The following SPRYD4 variants were observed in gnomAD, a reference collection of about 807,000 sequenced individuals.
SPRYD4 encodes the protein SPRY domain-containing protein 4.
In SPRYD4, 12 loss-of-function variants were observed where a neutral mutation model predicts 16.6. The ratio of observed to expected loss-of-function variants is 0.72; its 90% CI spans 0.46 to 1.17. SPRYD4 has a LOEUF of 1.17. Ranked by LOEUF, SPRYD4 falls within the 50% of genes most tolerant of loss-of-function variation. The probability of loss-of-function intolerance (pLI) is 0.00; values close to 1 mark genes in which losing one functional copy is unlikely to be tolerated. For missense variants in SPRYD4, 260 were observed against 260.2 expected (o/e 1.00, Z 0.00); for synonymous variants, 98 against 105.4 (o/e 0.93, Z 0.43).
chr12:56,479,701 C>A lies in SPRYD4; in HGVS notation c.*10124C>A, dbSNP rs1299726192. The A allele has an allele frequency of 5.5e-6, 8 of 1,463,522 alleles. No homozygotes were observed. Among genetic ancestry groups the A allele is most frequent in the Non-Finnish European group, 7.3e-6 (8 of 1,099,678 alleles). The allele number at this position is 1,463,522 out of a possible 1,614,324, so 90.7% of individuals were successfully genotyped here. A position where few individuals can be genotyped will look rare whatever the true frequency, so the allele number is the denominator to read the frequency against. On this transcript the variant is annotated 3_prime_UTR_variant, in exon 2 of 2. Transcript: ENST00000338146. ...ATGAGGAATTGAACTATACAATTCCCAAATTCCTCCCTGCTCTGAGAGTCT... is the reference window on the plus strand; with the variant it reads ...ATGAGGAATTGAACTATACAATTCCAAAATTCCTCCCTGCTCTGAGAGTCT...
Position 56,478,539 on chromosome 12 carries a change from TCA to T in SPRYD4, c.*8963_*8964del, listed in dbSNP as rs1870025312. On this transcript the variant is annotated 3_prime_UTR_variant, in exon 2 of 2. Coordinates refer to ENST00000338146, the MANE Select transcript of SPRYD4 (RefSeq NM_207344.4). ...AACCTTCCCCTTTTGGTTCTTAGGC[TCA>T]GTTACCCTATAAATCCCTTTGAAGG... 2 of 442,106 alleles carry T rather than the reference TCA, an allele frequency of 4.5e-6. No individual in the cohort carries two copies. Among genetic ancestry groups the T allele is most frequent in the Admixed American group, 3.7e-5 (1 of 27,312 alleles). 27.4% of individuals were successfully genotyped at this position (442,106 alleles called of 1,614,324 possible). A position where few individuals can be genotyped will look rare whatever the true frequency, so the allele number is the denominator to read the frequency against.
chr12:56,474,806 G>C lies in SPRYD4; in HGVS notation c.*5229G>C, dbSNP rs372835857. 8 of 1,613,180 alleles carry C rather than the reference G, an allele frequency of 5.0e-6. No individual in the cohort carries two copies. The African/African-American group carries it at 9.4e-5, about 19-fold the overall frequency. On this transcript the variant is annotated 3_prime_UTR_variant, in exon 2 of 2. Transcript: ENST00000338146. ...TAGGGAAAGGGCAAGGGCAAGGACA[G>C]TCTGTCCTGTTCCCTCGGCCCTGAG...
chr12:56,478,820 C>A lies in SPRYD4; in HGVS notation c.*9243C>A. The A allele has an allele frequency of 2.2e-6, 1 of 454,310 alleles. No individual in the cohort carries two copies. The highest frequency in any genetic ancestry group is 3.9e-6 in the Non-Finnish European group (1 of 257,882). 28.1% of individuals were successfully genotyped at this position (454,310 alleles called of 1,614,324 possible). A position where few individuals can be genotyped will look rare whatever the true frequency, so the allele number is the denominator to read the frequency against. On this transcript the variant is annotated 3_prime_UTR_variant, in exon 2 of 2. Coordinates refer to ENST00000338146, the MANE Select transcript of SPRYD4 (RefSeq NM_207344.4). ...CCAGCCTGGCCAATATGGCAAAACCCCATCTCTACTAAAAATACAAAAATT... is the reference window on the plus strand; with the variant it reads ...CCAGCCTGGCCAATATGGCAAAACCACATCTCTACTAAAAATACAAAAATT...
chr12:56,474,956 G>A lies in SPRYD4; in HGVS notation c.*5379G>A. The A allele has an allele frequency of 1.9e-6, 3 of 1,613,804 alleles. No individual in the cohort carries two copies. In the South Asian group the frequency reaches 3.3e-5, roughly 18 times the overall value. ...GGACATCAGCCCTTTCACACTGTCA[G>A]GGTCTCAGCTGAAGCCCCCAACCCC... On this transcript the variant is annotated 3_prime_UTR_variant, in exon 2 of 2. Coordinates refer to ENST00000338146, the MANE Select transcript of SPRYD4 (RefSeq NM_207344.4).
rs976995335 is a variant in SPRYD4 at position 56,472,600 on chromosome 12, G to T, written c.*3023G>T. ...CTATATCCATTCTAATTCCAAAGCT[G>T]AAGCACTTAACTATTTTGTTACGCT... On this transcript the variant is annotated 3_prime_UTR_variant, in exon 2 of 2. Transcript: ENST00000338146. The T allele has an allele frequency of 8.5e-7, 1 of 1,182,484 alleles. No individual in the cohort carries two copies. Among genetic ancestry groups the T allele is most frequent in the Non-Finnish European group, 1.3e-6 (1 of 796,954 alleles). 73.2% of individuals were successfully genotyped at this position (1,182,484 alleles called of 1,614,324 possible). A position where few individuals can be genotyped will look rare whatever the true frequency, so the allele number is the denominator to read the frequency against.
In SPRYD4 at chr12:56,473,662, C is replaced by T; in HGVS notation, c.*4085C>T. 1 of 1,535,808 alleles carries T rather than the reference C, an allele frequency of 6.5e-7. No homozygotes were observed. Among genetic ancestry groups the T allele is most frequent in the Non-Finnish European group, 8.8e-7 (1 of 1,139,912 alleles). On this transcript the variant is annotated 3_prime_UTR_variant, in exon 2 of 2. Coordinates refer to ENST00000338146, the MANE Select transcript of SPRYD4 (RefSeq NM_207344.4). Reference sequence around the variant, plus strand: ...CAAATCAGAAAATAAACAAGTTAGGCTGTACTCTTAACAAGTTTACAAATG... The same window carrying T: ...CAAATCAGAAAATAAACAAGTTAGGTTGTACTCTTAACAAGTTTACAAATG...
At position 56,476,899 on chromosome 12, in the gene SPRYD4, A is replaced by G. The variant is rs1222767569; in HGVS notation, c.*7322A>G. 4 of 151,900 alleles carry G rather than the reference A, an allele frequency of 2.6e-5. No homozygotes were observed. The highest frequency in any genetic ancestry group is 5.9e-5 in the Non-Finnish European group (4 of 68,052). 9.4% of individuals were successfully genotyped at this position (151,900 alleles called of 1,614,324 possible). ...GTGAGCCACCGCGCCTGGCCTCTATATTTTTTAAAAAAGGTCCTACTTAGA... is the reference window on the plus strand; with the variant it reads ...GTGAGCCACCGCGCCTGGCCTCTATGTTTTTTAAAAAAGGTCCTACTTAGA... On this transcript the variant is annotated 3_prime_UTR_variant, in exon 2 of 2. Transcript: ENST00000338146.
Position 56,474,763 on chromosome 12 carries a change from A to C in SPRYD4, c.*5186A>C. On this transcript the variant is annotated 3_prime_UTR_variant, in exon 2 of 2. Coordinates refer to ENST00000338146, the MANE Select transcript of SPRYD4 (RefSeq NM_207344.4). ...AGGTGAAGATGTGACGTGAACCTGC[A>C]CATGGGACCCTCGGGTGTAGGGAAA... 1 of 1,611,882 alleles carries C rather than the reference A, an allele frequency of 6.2e-7. No individual in the cohort carries two copies. Among genetic ancestry groups the C allele is most frequent in the Admixed American group, 1.7e-5 (1 of 59,904 alleles).
chr12:56,468,641 A>G lies in SPRYD4; in HGVS notation c.50A>G (p.Lys17Arg). Reference sequence around the variant, plus strand: ...TTGCGCTTGTGCCGCTGGGGAGCCAAACGATTGGGAGTTGCCTCCACAGAG... The same window carrying G: ...TTGCGCTTGTGCCGCTGGGGAGCCAGACGATTGGGAGTTGCCTCCACAGAG... The part of the protein sequence containing the change: ...RSLRLCRWGA[K>R]RLGVASTEAQ... The change falls in exon 1 of 2, where the codon AAA (lysine) becomes AGA (arginine). Residue 17 changes from lysine to arginine, a missense_variant. Coordinates refer to ENST00000338146, the MANE Select transcript of SPRYD4 (RefSeq NM_207344.4). 1 of 1,614,124 alleles carries G rather than the reference A, an allele frequency of 6.2e-7. No homozygotes were observed. Among genetic ancestry groups the G allele is most frequent in the Non-Finnish European group, 8.5e-7 (1 of 1,179,978 alleles).
Position 56,479,550 on chromosome 12 carries a change from T to C in SPRYD4, c.*9973T>C, listed in dbSNP as rs192400079. 8 of 464,338 alleles carry C rather than the reference T, an allele frequency of 1.7e-5. No homozygotes were observed. Among genetic ancestry groups the C allele is most frequent in the East Asian group, 1.5e-4 (4 of 26,704 alleles). 28.8% of individuals were successfully genotyped at this position (464,338 alleles called of 1,614,324 possible). ...TAGAAGATACCCACTAATCTGCTAATATTTACTTCTGGGAAAAGAGGACAG... is the reference window on the plus strand; with the variant it reads ...TAGAAGATACCCACTAATCTGCTAACATTTACTTCTGGGAAAAGAGGACAG... On this transcript the variant is annotated 3_prime_UTR_variant, in exon 2 of 2. Transcript: ENST00000338146.
Position 56,479,357 on chromosome 12 carries a change from A to G in SPRYD4, c.*9780A>G, listed in dbSNP as rs905929263. The G allele has an allele frequency of 1.8e-5, 12 of 683,452 alleles. No homozygotes were observed. Among genetic ancestry groups the G allele is most frequent in the East Asian group, 8.7e-5 (3 of 34,294 alleles). 42.3% of individuals were successfully genotyped at this position (683,452 alleles called of 1,614,324 possible). A position where few individuals can be genotyped will look rare whatever the true frequency, so the allele number is the denominator to read the frequency against. On this transcript the variant is annotated 3_prime_UTR_variant, in exon 2 of 2. Coordinates refer to ENST00000338146, the MANE Select transcript of SPRYD4 (RefSeq NM_207344.4). ...TAGGTCTTAGTTTCCGTACCTCTAA[A>G]ATGAGGGGTTTTAATGATGTGGAAA...
chr12:56,470,434 C>G lies in SPRYD4; in HGVS notation c.*857C>G, dbSNP rs1266377443. 1 of 152,260 alleles carries G rather than the reference C, an allele frequency of 6.6e-6. No homozygotes were observed. The highest frequency in any genetic ancestry group is 1.5e-5 in the Non-Finnish European group (1 of 68,136). The allele number at this position is 152,260 out of a possible 1,614,324, so 9.4% of individuals were successfully genotyped here. A position where few individuals can be genotyped will look rare whatever the true frequency, so the allele number is the denominator to read the frequency against. ...CTGCCTTTTGGGTTCAAGCGACTCT[C>G]GTGCCTCAGCCTCCTGAGTAGCTAG... On this transcript the variant is annotated 3_prime_UTR_variant, in exon 2 of 2. Transcript: ENST00000338146.
At position 56,471,599 on chromosome 12, in the gene SPRYD4, A is replaced by C; in HGVS notation, c.*2022A>C. Reference sequence around the variant, plus strand: ...ATCTTGAAGCAGTTTGACCACCTCCAGATGGTTGAACTGCACAGCATCATC... The same window carrying C: ...ATCTTGAAGCAGTTTGACCACCTCCCGATGGTTGAACTGCACAGCATCATC... On this transcript the variant is annotated 3_prime_UTR_variant, in exon 2 of 2. Coordinates refer to ENST00000338146, the MANE Select transcript of SPRYD4 (RefSeq NM_207344.4). 6.2e-7 allele frequency: 1 copy of C among 1,614,168 alleles called. No homozygotes were observed. Among genetic ancestry groups the C allele is most frequent in the South Asian group, 1.1e-5 (1 of 91,082 alleles).
rs939228612 is a variant in SPRYD4, at chr12:56,472,910, C to T, written c.*3333C>T. 2.3e-5 allele frequency: 13 copies of T among 555,132 alleles called. No homozygotes were observed. The highest frequency in any genetic ancestry group is 8.6e-5 in the South Asian group (4 of 46,738). 34.4% of individuals were successfully genotyped at this position (555,132 alleles called of 1,614,324 possible). On this transcript the variant is annotated 3_prime_UTR_variant, in exon 2 of 2. Transcript: ENST00000338146. ...CTTTTTTTTTTTTTTTTTTTTGAGACGGAGTCTCGCTCTGTCGTTCAGGCT... is the reference window on the plus strand; with the variant it reads ...CTTTTTTTTTTTTTTTTTTTTGAGATGGAGTCTCGCTCTGTCGTTCAGGCT...
chr12:56,475,664 T>C lies in SPRYD4; in HGVS notation c.*6087T>C. On this transcript the variant is annotated 3_prime_UTR_variant, in exon 2 of 2. Coordinates refer to ENST00000338146, the MANE Select transcript of SPRYD4 (RefSeq NM_207344.4). Reference sequence around the variant, plus strand: ...CCCATGTATTCATTCCCAGCCATTTTGTTGAGATACTGCAACACCTGGAAG... The same window carrying C: ...CCCATGTATTCATTCCCAGCCATTTCGTTGAGATACTGCAACACCTGGAAG... 6.2e-7 allele frequency: 1 copy of C among 1,614,242 alleles called. No individual in the cohort carries two copies. Among genetic ancestry groups the C allele is most frequent in the Non-Finnish European group, 8.5e-7 (1 of 1,180,046 alleles).
In SPRYD4 at chr12:56,471,825, C is replaced by T. The variant is rs764321206; in HGVS notation, c.*2248C>T. The T allele has an allele frequency of 1.2e-6, 2 of 1,614,038 alleles. No homozygotes were observed. The highest frequency in any genetic ancestry group is 3.3e-5 in the Admixed American group (2 of 60,010). On this transcript the variant is annotated 3_prime_UTR_variant, in exon 2 of 2. Coordinates refer to ENST00000338146, the MANE Select transcript of SPRYD4 (RefSeq NM_207344.4). ...CAAGCCTCGATCAGGAATTTAACAA[C>T]TTCGATGTGTCCTAGGAATATGGGC...
rs772561902 is a variant in SPRYD4 at position 56,469,126 on chromosome 12, G to T, written c.173G>T (p.Gly58Val). ...DDTGVKYGLV[G>V]LEPTKVALNV... ...ACGGGTGTCAAATATGGCTTGGTGG[G>T]ATTGGAGCCCACCAAGGTGGCCTTG... The change falls in exon 2 of 2, where the codon GGA becomes GTA. Residue 58 changes from glycine to valine, a missense_variant. Physicochemically the swap from Gly to Val is moderately radical, Grantham distance 109. Coordinates refer to ENST00000338146, the MANE Select transcript of SPRYD4 (RefSeq NM_207344.4). 1 of 1,613,798 alleles carries T rather than the reference G, an allele frequency of 6.2e-7. No individual in the cohort carries two copies. Among genetic ancestry groups the T allele is most frequent in the African/African-American group, 1.3e-5 (1 of 74,922 alleles).
rs1565701087 is a variant in SPRYD4 at position 56,472,779 on chromosome 12, A to G, written c.*3202A>G. On this transcript the variant is annotated 3_prime_UTR_variant, in exon 2 of 2. Transcript: ENST00000338146. ...GGAACACAAATCATACCCACATGAC[A>G]TTAATTGAACTCACCTATGCCAGCT... is the stretch of plus-strand genomic sequence containing the variant. 3.1e-6 allele frequency: 5 copies of G among 1,609,318 alleles called. No individual in the cohort carries two copies. The highest frequency in any genetic ancestry group is 3.3e-5 in the Admixed American group (2 of 59,938).
rs144530768 is a variant in SPRYD4, at chr12:56,473,481, C to T, written c.*3904C>T. 25 of 1,613,892 alleles carry T rather than the reference C, an allele frequency of 1.5e-5. No homozygotes were observed. The African/African-American group carries it at 2.8e-4, about 18-fold the overall frequency. On this transcript the variant is annotated 3_prime_UTR_variant, in exon 2 of 2. Transcript: ENST00000338146. The stretch of plus-strand genomic sequence containing the variant: ...ATCTCACCTGGCAGAAGCTGGTCCC[C>T]CTATGGCTGTTCCCCAGCTTGTCCA...
Sources: allele counts gnomAD v4.1 joint callset, GRCh38; gene constraint gnomAD v4.1.1; transcripts MANE v1.5; gene names NCBI Gene and HGNC (gene_info 2026-07-23, HGNC 2026-07-21).